The following ARSH variants were observed in gnomAD, a reference collection of about 807,000 sequenced individuals.
ARSH encodes arylsulfatase family member H.
ARSH carries 32 observed loss-of-function variants against 28.7 expected under a neutral mutation model. The ratio of observed to expected loss-of-function variants is 1.11; its 90% confidence interval spans 0.84 to 1.50. The LOEUF (loss-of-function observed/expected upper bound fraction) is 1.50, where lower values mean the gene tolerates loss of function less well. Ranked by LOEUF, ARSH falls within the 40% of genes most tolerant of loss-of-function variation. The probability of loss-of-function intolerance (pLI) is 0.00; values close to 1 mark genes in which losing one functional copy is unlikely to be tolerated. For synonymous variants in ARSH, 176 were observed against 177.3 expected, an observed-to-expected ratio of 0.99 and a Z score of 0.06; for missense variants, 440 against 452.4, an observed-to-expected ratio of 0.97 and a Z score of 0.25.
At chrX:3,010,442 A>C (rs1480248834) in intron 2 of ARSH, among the ~76,000 whole-genome samples, 1 of 111,757 alleles carries the variant, frequency 8.9e-6, no homozygotes, top group Non-Finnish European at 1.9e-5. Context: ...ATTTCTCAAG[A>C]GACCCCTGAT....
chrX:3,012,183 T>C (rs2089848684), intron 2 of ARSH, among the ~76,000 whole-genome samples: 1 of 111,141 alleles, frequency 9.0e-6, no homozygotes, highest in Non-Finnish European at 1.9e-5. Context: ...CTTGTGGTTT[T>C]CTTGTGAATT....
chrX:3,032,274 A>T (rs771167362), intron 8 of ARSH, among the ~76,000 whole-genome samples: 1 of 110,123 alleles, frequency 9.1e-6, no homozygotes, highest in Non-Finnish European at 1.9e-5. Flanking sequence ...ACAGAGTGAG[A>T]CCCTGCCTCA....
At chrX:3,013,863 G>A (rs1244529019) in intron 3 of ARSH, among the ~76,000 whole-genome samples, 1 of 111,265 alleles carries the variant, frequency 9.0e-6, no homozygotes, top group Admixed American at 9.6e-5. Context: ...TCCCAGCAGC[G>A]TCCTGTGAGT....
In ARSH at chrX:3,028,233, CAG is replaced by C. The variant is rs766453238; in HGVS notation, c.1199+761_1199+762del. Among the ~76,000 whole-genome samples the C allele has an allele frequency of 7.2e-5, 8 of 111,174 alleles. No homozygotes were observed. In the South Asian group the frequency reaches 2.7e-3, roughly 37 times the overall value. ...TAATTTAAATTTATTTTTTTTGAGA[CAG>C]AGTCTCGTCCTGTCAGCCAGGCTGG... On this transcript the variant is annotated intron_variant, in intron 7 of 8. Transcript: ENST00000381130.
intron 2 of ARSH, among the ~76,000 whole-genome samples, chrX:3,012,595 AT>A (rs1569122677): frequency 1.3e-4 from 4 of 30,818 alleles, no homozygotes; most frequent in Non-Finnish European, 2.2e-4. Flanking sequence ...ATATATATAT[AT>A]ATAATATATA....
intron 4 of ARSH, among the ~76,000 whole-genome samples, chrX:3,015,612 A>G (rs1156809663): frequency 9.0e-6 from 1 of 110,980 alleles, no homozygotes; most frequent in Non-Finnish European, 1.9e-5. Flanking sequence ...ATGGCTGTGT[A>G]GTATTTTGTG....
Position 3,024,062 on chromosome X carries a change from C to A in ARSH, c.943C>A (p.His315Asn), listed in dbSNP as rs2089891936. ...DALDQERLAN[H>N]TLVYFTSDNG... ...CCTGGACCAGGAGCGCCTGGCCAAC[C>A]ACACCTTGGTGTACTTCACCTCTGA... is the stretch of plus-strand genomic sequence containing the variant. Residue 315 changes from histidine (H) to asparagine (N), a missense_variant, in exon 6 of 9, where the codon CAC becomes AAC. By Grantham distance (68) the His-to-Asn change is moderately conservative. Coordinates refer to ENST00000381130, the MANE Select transcript of ARSH (RefSeq NM_001011719.2). 8.3e-7 allele frequency: 1 copy of A among 1,206,776 alleles called. No homozygotes were observed. Among genetic ancestry groups the A allele is most frequent in the African/African-American group, 1.8e-5 (1 of 56,611 alleles).
chrX:3,008,792 C>T (rs1158481327), intron 1 of ARSH, among the ~76,000 whole-genome samples: 1 of 108,843 alleles, frequency 9.2e-6, no homozygotes, highest in African/African-American at 3.3e-5. Flanking sequence ...CCATATTGCC[C>T]ACCCTGGTCT....
rs192006521 is a variant in ARSH, at chrX:3,010,784, A to G, written c.214+633A>G. Among the ~76,000 whole-genome samples the G allele has an allele frequency of 2.7e-5, 3 of 112,065 alleles. No homozygotes were observed. In the East Asian group the frequency reaches 8.4e-4, roughly 31 times the overall value. On this transcript the variant is annotated intron_variant, in intron 2 of 8. Transcript: ENST00000381130. ...GCCCTTAGACACTATTGAAGTGTTC[A>G]TGGTTATCAGACTCTATGTGAAATA... is the stretch of plus-strand genomic sequence containing the variant.
At chrX:3,013,364 A>C (rs1224603621) in intron 3 of ARSH, among the ~76,000 whole-genome samples, 192 bp downstream of exon 3, 2 of 97,995 alleles carry the variant, frequency 2.0e-5, no homozygotes, top group Admixed American at 2.2e-4. Context: ...AGTATTGGAA[A>C]AACAATGAGA....
chrX:3,030,412 G>A (rs2089910742), intron 8 of ARSH, among the ~76,000 whole-genome samples: 2 of 111,090 alleles, frequency 1.8e-5, no homozygotes. Flanking sequence ...GCATAGGTAG[G>A]GTGTGTTCCT....
In ARSH at chrX:3,014,344, G is replaced by A. The variant is rs141162988; in HGVS notation, c.341-626G>A. 8.1e-5 allele frequency among the ~76,000 whole-genome samples: 9 copies of A among 111,425 alleles called. No homozygotes were observed. The East Asian group carries it at 2.3e-3, about 28-fold the overall frequency. ...AAGTGTTGAATATAATAATGTGTGC[G>A]GACAAATCAGAACGTGACCTGGCCC... On this transcript the variant is annotated intron_variant, in intron 3 of 8. Coordinates refer to ENST00000381130, the MANE Select transcript of ARSH (RefSeq NM_001011719.2).
rs371104792 is a variant in ARSH at position 3,020,451 on chromosome X, C to T, written c.901+1781C>T. Among the ~76,000 whole-genome samples, 434 of 103,696 alleles carry T rather than the reference C, an allele frequency of 4.2e-3. 7 individuals are homozygous for T. Among genetic ancestry groups the T allele is most frequent in the South Asian group, 0.02 (45 of 2,282 alleles). The allele number at this position is 103,696 out of a possible 115,157, so 90.0% of individuals were successfully genotyped here. A position where few individuals can be genotyped will look rare whatever the true frequency, so the allele number is the denominator to read the frequency against. On this transcript the variant is annotated intron_variant, in intron 5 of 8. Coordinates refer to ENST00000381130, the MANE Select transcript of ARSH (RefSeq NM_001011719.2). Reference sequence around the variant, plus strand: ...AAAAATAGAAAAAATGAGCCGGGCGCGGTGGCGGGCGCCTGTAGTCCCAGC... The same window carrying T: ...AAAAATAGAAAAAATGAGCCGGGCGTGGTGGCGGGCGCCTGTAGTCCCAGC...
chrX:3,013,085 T>C lies in ARSH; in HGVS notation c.253T>C (p.Trp85Arg). 1 of 1,211,209 alleles carries C rather than the reference T, an allele frequency of 8.3e-7. No homozygotes were observed. The highest frequency in any genetic ancestry group is 1.1e-6 in the Non-Finnish European group (1 of 895,194). ...SAYNLNRAFT[W>R]LGGSGGLPTN... ...CTACAACCTGAACCGTGCCTTCACG[T>C]GGCTTGGTGGGTCAGGTGGTCTTCC... Residue 85 changes from tryptophan to arginine, a missense_variant, in exon 3 of 9, where the codon TGG becomes CGG. Transcript: ENST00000381130.
At chrX:3,008,155 C>T (rs748743794) in intron 1 of ARSH, among the ~76,000 whole-genome samples, 3 of 112,014 alleles carry the variant, frequency 2.7e-5, no homozygotes, top group Non-Finnish European at 3.8e-5. Flanking sequence ...TTGTAGCATG[C>T]GTCAGCACTT....
chrX:3,006,774 G>A (rs2089828798), intron 1 of ARSH, 70 bp downstream of exon 1: 3 of 901,666 alleles, frequency 3.3e-6, no homozygotes, highest in Non-Finnish European at 4.7e-6. Flanking sequence ...CGTCTTTGCC[G>A]TTGCAGAGAA....
intron 8 of ARSH, among the ~76,000 whole-genome samples, chrX:3,032,466 A>AGGAGGAAAGGAGGGAGCGAGGGAG: frequency 9.6e-6 from 1 of 103,727 alleles, no homozygotes; most frequent in Non-Finnish European, 2.0e-5. Flanking sequence ...AAGTAAAGGA[A>AGGAGGAAAGGAGGGAGCGAGGGAG]GGAGGAAAGG....
chrX:3,029,227 A>G lies in ARSH; in HGVS notation c.1200-20A>G. On this transcript the variant is annotated intron_variant, in intron 7 of 8. Coordinates refer to ENST00000381130, the MANE Select transcript of ARSH (RefSeq NM_001011719.2). The stretch of plus-strand genomic sequence containing the variant: ...CCATGCCTCTCTCATCACCTTCTAC[A>G]CACCCCCTTCTCTCCCAAGAGTGAT... 4.2e-6 allele frequency: 5 copies of G among 1,202,344 alleles called. No homozygotes were observed. Among genetic ancestry groups the G allele is most frequent in the Non-Finnish European group, 2.2e-6 (2 of 891,285 alleles).
In ARSH at chrX:3,033,951, G is replaced by A. The variant is rs1046597114; in HGVS notation, c.*566G>A. On this transcript the variant is annotated 3_prime_UTR_variant, in exon 9 of 9. Transcript: ENST00000381130. ...AAGTTCTTGACTTTGCTTCCTCGTA[G>A]CTATATCATCGTGGAAATGTCTCTG... Among the ~76,000 whole-genome samples the A allele has an allele frequency of 1.8e-5, 2 of 111,578 alleles. No homozygotes were observed. The highest frequency in any genetic ancestry group is 1.9e-4 in the Admixed American group (2 of 10,346).
Sources: allele counts gnomAD v4.1 joint callset (sites outside exome capture counted in the v4.1 genomes callset), GRCh38; gene constraint gnomAD v4.1.1; transcripts MANE v1.5; gene names NCBI Gene and HGNC (gene_info 2026-07-23, HGNC 2026-07-21).